Variants in CRY1 observed in about 807,000 individuals in gnomAD.
CRY1 encodes the protein cryptochrome circadian regulator 1.
A neutral mutation model predicts 76.0 loss-of-function variants in CRY1; 45 were observed. The observed-to-expected ratio is 0.59, with a 90% CI of 0.47 to 0.76. CRY1 has a LOEUF of 0.76. Ranked by LOEUF, CRY1 falls within the 30% of genes least tolerant of loss-of-function variation. The probability of loss-of-function intolerance (pLI) is 0.00; values close to 1 mark genes in which losing one functional copy is unlikely to be tolerated. For synonymous variants in CRY1, 248 were observed against 244.0 expected, an observed-to-expected ratio of 1.02 and a Z score of -0.15; for missense variants, 587 against 716.4, an observed-to-expected ratio of 0.82 and a Z score of 2.06.
chr12:107,008,939 A>C (rs1430501455), intron 2 of CRY1, among the ~76,000 whole-genome samples: 1 of 152,172 alleles, frequency 6.6e-6, no homozygotes, highest in African/African-American at 2.4e-5. Context: ...AGGCCTCCCC[A>C]GTCACGTGAA....
intron 1 of CRY1, among the ~76,000 whole-genome samples, chr12:107,038,623 G>A (rs534926930): frequency 3.3e-5 from 5 of 152,180 alleles, no homozygotes; most frequent in East Asian, 3.8e-4. Context: ...ATGGAAAATC[G>A]TAAGAGGGTC....
At chr12:107,055,550 T>TA (rs1470895351) in intron 1 of CRY1, among the ~76,000 whole-genome samples, 2 of 151,304 alleles carry the variant, frequency 1.3e-5, no homozygotes, top group Non-Finnish European at 3.0e-5. Flanking sequence ...TAAGTTAGCG[T>TA]AAAAAAAAGC....
Position 106,997,516 on chromosome 12 carries a change from A to T in CRY1, c.1464T>A (p.Tyr488Ter). Reference protein sequence around the residue: ...RLNIERMKQIYQQLSRYRGLG... With the variant: ...RLNIERMKQI Reference sequence around the variant, plus strand: ...GTCCTCTATATCGTGAAAGCTGCTGATAGATCTGTTTCATCCTTTCGATAT... The same window carrying T: ...GTCCTCTATATCGTGAAAGCTGCTGTTAGATCTGTTTCATCCTTTCGATAT... The change falls in exon 9 of 13, where the codon TAT becomes TAA. Residue 488 changes from tyrosine to a stop codon, truncating the protein, a stop_gained. Coordinates refer to ENST00000008527, the MANE Select transcript of CRY1 (RefSeq NM_004075.5). LOFTEE classifies it high-confidence loss of function. 1 of 1,614,078 alleles carries T rather than the reference A, an allele frequency of 6.2e-7. No homozygotes were observed. The highest frequency in any genetic ancestry group is 8.5e-7 in the Non-Finnish European group (1 of 1,179,990).
chr12:106,999,875 AG>A lies in CRY1; in HGVS notation c.826-14del. 6.3e-7 allele frequency: 1 copy of A among 1,598,346 alleles called. No homozygotes were observed. The highest frequency in any genetic ancestry group is 2.2e-5 in the East Asian group (1 of 44,788). On this transcript the variant is annotated splice_polypyrimidine_tract_variant and intron_variant, in intron 6 of 12. Coordinates refer to ENST00000008527, the MANE Select transcript of CRY1 (RefSeq NM_004075.5). Reference sequence around the variant, plus strand: ...TGTTCTTCTTTACCTATGGTTAAAAAGCAAAGAAGTATTATCAGAATTTTTT... The same window carrying A: ...TGTTCTTCTTTACCTATGGTTAAAAACAAAGAAGTATTATCAGAATTTTTT...
intron 1 of CRY1, among the ~76,000 whole-genome samples, chr12:107,056,418 G>T (rs1952982502): frequency 6.6e-6 from 1 of 152,210 alleles, no homozygotes. Flanking sequence ...AAAGTGCCCT[G>T]CAGTGGTAAT....
chr12:107,016,639 C>T (rs770825348), intron 2 of CRY1, among the ~76,000 whole-genome samples: 4 of 152,188 alleles, frequency 2.6e-5, no homozygotes, highest in Admixed American at 6.5e-5. Flanking sequence ...AGGGTCTAAA[C>T]TACTATTTAT....
At chr12:107,067,735 T>C (rs940225913) in intron 1 of CRY1, among the ~76,000 whole-genome samples, 9 of 152,006 alleles carry the variant, frequency 5.9e-5, no homozygotes, top group African/African-American at 2.2e-4. Context: ...GTTGGAAAAG[T>C]GTAGGGGACA....
At chr12:107,007,963 A>C (rs1952394991) in intron 2 of CRY1, among the ~76,000 whole-genome samples, 1 of 152,232 alleles carries the variant, frequency 6.6e-6, no homozygotes, top group African/African-American at 2.4e-5. Flanking sequence ...AGATAAAAAT[A>C]TCAGCCATAT....
At chr12:107,078,907 T>C (rs192879160) in intron 1 of CRY1, among the ~76,000 whole-genome samples, 10 of 152,286 alleles carry the variant, frequency 6.6e-5, no homozygotes, top group Admixed American at 5.9e-4. Flanking sequence ...GGCTTCCTCT[T>C]ATATCTTCCC....
At chr12:107,063,510 G>C (rs910979775) in intron 1 of CRY1, among the ~76,000 whole-genome samples, 1 of 152,192 alleles carries the variant, frequency 6.6e-6, no homozygotes, top group South Asian at 2.1e-4. Context: ...GAAAGAAAAT[G>C]CAACAGGCTA....
intron 2 of CRY1, among the ~76,000 whole-genome samples, chr12:107,012,877 A>G (rs192123604): frequency 1.5e-3 from 233 of 152,344 alleles, no homozygotes; most frequent in African/African-American, 5.1e-3. Context: ...TGGTAGAAAT[A>G]GCAATAGAAT....
chr12:107,077,156 C>G (rs1194264699), intron 1 of CRY1, among the ~76,000 whole-genome samples: 2 of 151,448 alleles, frequency 1.3e-5, no homozygotes, highest in African/African-American at 4.9e-5. Context: ...CCAACACATA[C>G]ACACAAACAC....
At chr12:107,066,587 C>T (rs903767494) in intron 1 of CRY1, among the ~76,000 whole-genome samples, 2 of 152,054 alleles carry the variant, frequency 1.3e-5, no homozygotes, top group African/African-American at 2.4e-5. Context: ...CCCCAAGTAA[C>T]AGAGACTACA....
intron 1 of CRY1, among the ~76,000 whole-genome samples, chr12:107,055,096 A>G (rs1178876058): frequency 6.6e-6 from 1 of 152,134 alleles, no homozygotes; most frequent in East Asian, 1.9e-4. Context: ...AGACAGCAGT[A>G]TACACATGGA....
intron 2 of CRY1, among the ~76,000 whole-genome samples, chr12:107,019,405 A>G (rs1285135238): frequency 6.6e-6 from 1 of 152,188 alleles, no homozygotes; most frequent in Non-Finnish European, 1.5e-5. Context: ...GAATAAAATA[A>G]TAAGTACTAT....
Position 107,007,533 on chromosome 12 carries a change from T to C in CRY1, c.268-2285A>G, listed in dbSNP as rs554859574. ...AATGACAGGAACTCTTTTTCTTCTT[T>C]TTTTTTTTTTTTAAGAGTTAGGCTC... On this transcript the variant is annotated intron_variant, in intron 2 of 12. Coordinates refer to ENST00000008527, the MANE Select transcript of CRY1 (RefSeq NM_004075.5). Among the ~76,000 whole-genome samples, 20 of 151,212 alleles carry C rather than the reference T, an allele frequency of 1.3e-4. 2 individuals are homozygous for C. The highest frequency in any genetic ancestry group is 3.1e-4 in the African/African-American group (13 of 41,316).
intron 1 of CRY1, among the ~76,000 whole-genome samples, chr12:107,058,290 G>GCA (rs772286844): frequency 2.6e-5 from 4 of 151,726 alleles, no homozygotes; most frequent in Non-Finnish European, 4.4e-5. Context: ...AGACACAGAT[G>GCA]CACACACACA....
intron 1 of CRY1, among the ~76,000 whole-genome samples, chr12:107,040,355 C>T (rs1227444512): frequency 1.6e-4 from 23 of 142,998 alleles, no homozygotes; most frequent in Non-Finnish European, 3.1e-4. Context: ...GGCACAATCT[C>T]GGCTCACTGC....
intron 1 of CRY1, among the ~76,000 whole-genome samples, chr12:107,085,336 T>C (rs1369275774): frequency 1.3e-5 from 2 of 152,186 alleles, no homozygotes; most frequent in African/African-American, 4.8e-5. Context: ...GGATTATAAA[T>C]CATTCTACTA....
Sources: gnomAD v4.1 joint callset for allele counts (sites outside exome capture counted in the v4.1 genomes callset) on GRCh38, gnomAD v4.1.1 for gene constraint, MANE v1.5 for transcripts, NCBI Gene and HGNC (gene_info 2026-07-23, HGNC 2026-07-21) for gene names.